The following ATOX1 variants were observed in gnomAD, a reference collection of about 807,000 sequenced individuals.
ATOX1 encodes the protein copper transport protein ATOX1.
Under a neutral mutation model 7.3 loss-of-function variants are expected in ATOX1, and 4 were observed. That is an observed-to-expected ratio of 0.55 (90% confidence interval 0.27 to 1.25). ATOX1 has a LOEUF of 1.25. Among genes scored for constraint, ATOX1 ranks in the 50% most tolerant of loss-of-function variants. The pLI, the probability that ATOX1 is intolerant of heterozygous loss-of-function variation, is 0.12. For synonymous variants in ATOX1, 25 were observed against 28.7 expected (o/e 0.87, Z 0.41); for missense variants, 68 against 81.6 (o/e 0.83, Z 0.64).
intron 1 of ATOX1, chr5:151,752,226 A>G: frequency 1.4e-6 from 1 of 702,550 alleles, no homozygotes; most frequent in African/African-American, 1.7e-5. Flanking sequence ...AGAGTCACCT[A>G]CAGCTTGCAA....
At chr5:151,746,622 G>T in intron 2 of ATOX1, 173 bp from the exon 3 acceptor site, 1 of 718,584 alleles carries the variant, frequency 1.4e-6, no homozygotes, top group Non-Finnish European at 2.3e-6. Flanking sequence ...TTTAGGCATT[G>T]TGGGTCACAT....
chr5:151,747,724 G>C (rs1332864924), intron 2 of ATOX1, among the ~76,000 whole-genome samples: 2 of 152,122 alleles, frequency 1.3e-5, no homozygotes, highest in Non-Finnish European at 2.9e-5. Context: ...GAGTGGCTGG[G>C]ATTACAGGCA....
chr5:151,754,676 A>AG (rs1204171063), intron 1 of ATOX1, among the ~76,000 whole-genome samples: 1 of 151,892 alleles, frequency 6.6e-6, no homozygotes, highest in Non-Finnish European at 1.5e-5. Context: ...TTTTACAAAG[A>AG]GTTTTGTTAA....
intron 1 of ATOX1, 139 bp downstream of exon 1, chr5:151,758,407 G>A: frequency 2.3e-6 from 3 of 1,302,528 alleles, no homozygotes; most frequent in Non-Finnish European, 3.0e-6. Context: ...CTGGGGGCTG[G>A]GTGGGGTAAG....
chr5:151,757,550 A>T (rs1007329513), intron 1 of ATOX1, among the ~76,000 whole-genome samples: 7 of 152,254 alleles, frequency 4.6e-5, no homozygotes, highest in Admixed American at 4.6e-4. Context: ...TAAAGACAGG[A>T]TGCAAAGACA....
At chr5:151,748,117 G>A (rs1761900541) in intron 2 of ATOX1, among the ~76,000 whole-genome samples, 2 of 152,224 alleles carry the variant, frequency 1.3e-5, no homozygotes, top group Non-Finnish European at 2.9e-5. Flanking sequence ...CATTTTGAAT[G>A]TTTAATAGAC....
chr5:151,757,495 T>G (rs1378405935), intron 1 of ATOX1, among the ~76,000 whole-genome samples: 1 of 152,236 alleles, frequency 6.6e-6, no homozygotes. Context: ...ACCTGAGATG[T>G]CAGTGGCTCT....
At chr5:151,751,298 T>G (rs1761945552) in intron 2 of ATOX1, among the ~76,000 whole-genome samples, 1 of 145,932 alleles carries the variant, frequency 6.9e-6, no homozygotes, top group Admixed American at 6.8e-5. Context: ...AAAATGACAC[T>G]CAGATGTGTC....
intron 3 of ATOX1, chr5:151,744,334 GTTAT>G: frequency 6.6e-6 from 1 of 152,266 alleles, no homozygotes; most frequent in South Asian, 2.1e-4. Context: ...GCTTGCAGGA[GTTAT>G]TTATATCCTA....
At chr5:151,747,576 C>T (rs1162926536) in intron 2 of ATOX1, among the ~76,000 whole-genome samples, 4 of 149,032 alleles carry the variant, frequency 2.7e-5, no homozygotes, top group African/African-American at 9.9e-5. Flanking sequence ...TGAGCCACTG[C>T]ACCCGGTCCA....
chr5:151,758,431 G>C (rs1762042433), intron 1 of ATOX1, 115 bp downstream of exon 1: 1 of 1,352,768 alleles, frequency 7.4e-7, no homozygotes, highest in Admixed American at 3.7e-5. Context: ...GGGGACAACA[G>C]CGGCTCCGGC....
rs777265926 is a variant in ATOX1, at chr5:151,758,552, G to C, written c.-1C>G. 6.9e-7 allele frequency: 1 copy of C among 1,440,288 alleles called. No homozygotes were observed. Among genetic ancestry groups the C allele is most frequent in the Non-Finnish European group, 9.2e-7 (1 of 1,092,120 alleles). 89.2% of individuals were successfully genotyped at this position (1,440,288 alleles called of 1,614,324 possible). The stretch of plus-strand genomic sequence containing the variant: ...GGACGGCGCAACCACTCACCGGCAT[G>C]ACTGAGGCAGCGGCGGTGTGGCGGC... On this transcript the variant is annotated 5_prime_UTR_variant, in exon 1 of 4. Transcript: ENST00000313115.
chr5:151,748,754 G>A lies in ATOX1; in HGVS notation c.83-2305C>T, dbSNP rs547317210. On this transcript the variant is annotated intron_variant, in intron 2 of 3. Transcript: ENST00000313115. ...CATGTGCCTGTAATCCCAGCTTCTCGGGAGGCTGGGGCAGGAGAATCACTT... is the reference window on the plus strand; with the variant it reads ...CATGTGCCTGTAATCCCAGCTTCTCAGGAGGCTGGGGCAGGAGAATCACTT... 1.6e-4 allele frequency among the ~76,000 whole-genome samples: 25 copies of A among 152,134 alleles called. No individual in the cohort carries two copies. In the South Asian group the frequency reaches 2.9e-3, roughly 18 times the overall value.
At chr5:151,746,935 T>C (rs551112688) in intron 2 of ATOX1, among the ~76,000 whole-genome samples, 17 of 152,328 alleles carry the variant, frequency 1.1e-4, no homozygotes, top group African/African-American at 4.1e-4. Flanking sequence ...GGTTTTGTCA[T>C]GTTGCCCAGG....
At chr5:151,744,407 C>T (rs1483265992) in intron 3 of ATOX1, 2 of 152,170 alleles carry the variant, frequency 1.3e-5, no homozygotes, top group Admixed American at 6.5e-5. Context: ...CAATATTCAG[C>T]ATAAATGGGT....
chr5:151,742,924 C>T lies in ATOX1; in HGVS notation c.*82G>A, dbSNP rs1761837591. The stretch of plus-strand genomic sequence containing the variant: ...ATCACCCGGCATGACTGCCAAGTCC[C>T]AGGTCTGTCTGGAAGCCAGCGGGAG... On this transcript the variant is annotated 3_prime_UTR_variant, in exon 4 of 4. Transcript: ENST00000313115. 6.6e-6 allele frequency: 1 copy of T among 152,396 alleles called. No homozygotes were observed. The highest frequency in any genetic ancestry group is 6.5e-5 in the Admixed American group (1 of 15,288). The allele number at this position is 152,396 out of a possible 1,614,324, so 9.4% of individuals were successfully genotyped here.
intron 1 of ATOX1, among the ~76,000 whole-genome samples, chr5:151,757,964 G>T (rs1042388926): frequency 6.6e-6 from 1 of 152,200 alleles, no homozygotes; most frequent in Admixed American, 6.5e-5. Context: ...TGACTGTGCG[G>T]GGGGGTTCCT....
At position 151,746,373 on chromosome 5, in the gene ATOX1, TGCAA is replaced by T; in HGVS notation, c.155_158del (p.Leu52GlnfsTer3). The T allele has an allele frequency of 1.9e-6, 3 of 1,613,964 alleles. No individual in the cohort carries two copies. The highest frequency in any genetic ancestry group is 2.5e-6 in the Non-Finnish European group (3 of 1,179,846). On this transcript the variant is annotated frameshift_variant, in exon 3 of 4. Coordinates refer to ENST00000313115, the MANE Select transcript of ATOX1 (RefSeq NM_004045.4). LOFTEE classifies it high-confidence loss of function. ...CAGTCTTTCCTGTTTTCTTCAGGGTTGCAAGCAGAGTGTCCATGCTGTGCTCAGA... is the reference window on the plus strand; with the variant it reads ...CAGTCTTTCCTGTTTTCTTCAGGGTTGCAGAGTGTCCATGCTGTGCTCAGA...
In ATOX1 at chr5:151,751,723, C is replaced by T. The variant is rs1226971507; in HGVS notation, c.63G>A (p.Arg21=). ...TCGGCAEAVS[R]VLNKLGGVKY... is the part of the protein sequence containing the mutation. ...ACTCACCTCCAAGCTTATTGAGGACCCGAGAGACAGCTTCAGCACAGCCTC... is the reference window on the plus strand; with the variant it reads ...ACTCACCTCCAAGCTTATTGAGGACTCGAGAGACAGCTTCAGCACAGCCTC... The change falls in exon 2 of 4, where the codon CGG becomes CGA. Residue 21 remains arginine, a synonymous_variant. Transcript: ENST00000313115. The T allele has an allele frequency of 1.2e-6, 2 of 1,607,900 alleles. No individual in the cohort carries two copies. The highest frequency in any genetic ancestry group is 1.7e-6 in the Non-Finnish European group (2 of 1,177,448).
Sources: allele counts gnomAD v4.1 joint callset (sites outside exome capture counted in the v4.1 genomes callset), GRCh38; gene constraint gnomAD v4.1.1; transcripts MANE v1.5; gene names NCBI Gene and HGNC (gene_info 2026-07-23, HGNC 2026-07-21).